Variants in RNF125 observed in about 807,000 individuals in gnomAD.
RNF125 encodes the protein ring finger protein 125, also known as E3 ubiquitin-protein ligase RNF125.
In RNF125, 21 loss-of-function variants were observed where a neutral mutation model predicts 26.0. The observed-to-expected ratio is 0.81, with a 90% CI of 0.57 to 1.16. The LOEUF (loss-of-function observed/expected upper bound fraction) is 1.16. RNF125 is among the 50% of genes most tolerant of loss of function. The probability of loss-of-function intolerance (pLI) is 0.00; values close to 1 mark genes in which losing one functional copy is unlikely to be tolerated. For synonymous variants in RNF125, 95 were observed against 109.2 expected (o/e 0.87, Z 0.81); for missense variants, 270 against 299.4 (o/e 0.90, Z 0.72).
At chr18:32,045,803 A>G (rs1036627851) in intron 4 of RNF125, 71 bp downstream of exon 4, 7 of 892,818 alleles carry the variant, frequency 7.8e-6, no homozygotes, top group Non-Finnish European at 1.3e-5. Context: ...CATTTAATAG[A>G]TTTATATTTA....
chr18:32,089,030 A>C, the RNF125 span, among the ~76,000 whole-genome samples: 1 of 152,180 alleles, frequency 6.6e-6, no homozygotes, highest in African/African-American at 2.4e-5. Context: ...TTGTGTTGAG[A>C]GCCAGAGAGC....
intron 1 of RNF125, among the ~76,000 whole-genome samples, chr18:32,026,738 A>G (rs1394329296): frequency 6.6e-6 from 1 of 152,090 alleles, no homozygotes; most frequent in Non-Finnish European, 1.5e-5. Flanking sequence ...TTACTATCAC[A>G]CTCTAAATAT....
intron 1 of RNF125, among the ~76,000 whole-genome samples, chr18:32,019,800 C>T (rs1309531768): frequency 6.6e-6 from 1 of 152,194 alleles, no homozygotes; most frequent in Non-Finnish European, 1.5e-5. Flanking sequence ...TACGCACGGT[C>T]TCTCCAAACC....
Position 32,072,035 on chromosome 18 carries a change from AC to A in RNF125, c.*3652del, listed in dbSNP as rs2039538692. Reference sequence around the variant, plus strand: ...TCTTTCTATTTAAACAAAAACAAAAACAAACAAACAAACAAACAAAAAGCTG... The same window carrying A: ...TCTTTCTATTTAAACAAAAACAAAAAAAACAAACAAACAAACAAAAAGCTG... On this transcript the variant is annotated 3_prime_UTR_variant, in exon 6 of 6. Transcript: ENST00000217740. 6.6e-6 allele frequency: 1 copy of A among 151,502 alleles called. No individual in the cohort carries two copies. The highest frequency in any genetic ancestry group is 6.6e-5 in the Admixed American group (1 of 15,128). The allele number at this position is 151,502 out of a possible 1,614,324, so 9.4% of individuals were successfully genotyped here. A position where few individuals can be genotyped will look rare whatever the true frequency, so the allele number is the denominator to read the frequency against.
chr18:32,037,027 T>C (rs1376675175), intron 1 of RNF125, 89 bp from the exon 2 acceptor site: 2 of 1,230,528 alleles, frequency 1.6e-6, no homozygotes, highest in Non-Finnish European at 2.3e-6. Flanking sequence ...CGAGGTGTCA[T>C]TAAATTACAG....
chr18:32,084,440 C>T, the RNF125 span, among the ~76,000 whole-genome samples: 2 of 152,166 alleles, frequency 1.3e-5, no homozygotes, highest in African/African-American at 4.8e-5. Flanking sequence ...ATCTATTCAT[C>T]ATTACTGGTC....
intron 4 of RNF125, among the ~76,000 whole-genome samples, chr18:32,062,782 T>C (rs1274193493): frequency 6.6e-6 from 1 of 152,100 alleles, no homozygotes; most frequent in African/African-American, 2.4e-5. Flanking sequence ...TTTTTTTCTC[T>C]CTGAAATTGG....
At chr18:32,041,895 G>A (rs1311784005) in intron 2 of RNF125, 1 of 284,042 alleles carries the variant, frequency 3.5e-6, no homozygotes, top group South Asian at 3.2e-5. Context: ...CTCCCAAAGT[G>A]CTGGGATTAC....
the RNF125 span, among the ~76,000 whole-genome samples, chr18:32,081,604 T>C: frequency 6.6e-6 from 1 of 152,316 alleles, no homozygotes; most frequent in African/African-American, 2.4e-5. Flanking sequence ...TTAACTTAAT[T>C]ACTTTTTAAA....
At chr18:32,034,233 C>T (rs2039128205) in intron 1 of RNF125, among the ~76,000 whole-genome samples, 1 of 152,272 alleles carries the variant, frequency 6.6e-6, no homozygotes, top group African/African-American at 2.4e-5. Context: ...TCTCCTTAGA[C>T]TTGGCTTTGG....
chr18:32,049,700 C>A (rs1263504539), intron 4 of RNF125, among the ~76,000 whole-genome samples: 1 of 151,956 alleles, frequency 6.6e-6, no homozygotes, highest in Non-Finnish European at 1.5e-5. Flanking sequence ...GTTCAGAAAT[C>A]CAAGGTTCTG....
the RNF125 span, among the ~76,000 whole-genome samples, chr18:32,080,485 G>A: frequency 2.6e-5 from 4 of 152,152 alleles, no homozygotes; most frequent in African/African-American, 4.8e-5. Context: ...TCCGCCTTGA[G>A]GCATGCTGGT....
intron 4 of RNF125, among the ~76,000 whole-genome samples, chr18:32,046,700 A>G (rs937793694): frequency 2.0e-5 from 3 of 152,070 alleles, no homozygotes; most frequent in Non-Finnish European, 2.9e-5. Context: ...TTCATGGTTA[A>G]TATTTATCCA....
intron 4 of RNF125, among the ~76,000 whole-genome samples, 180 bp from the exon 5 acceptor site, chr18:32,065,722 G>A (rs1367378293): frequency 2.6e-5 from 4 of 151,874 alleles, no homozygotes; most frequent in Non-Finnish European, 5.9e-5. Flanking sequence ...TAGTAGAGAC[G>A]GCGTTTCACC....
chr18:32,033,711 C>G (rs906084303), intron 1 of RNF125, among the ~76,000 whole-genome samples: 1 of 150,438 alleles, frequency 6.6e-6, no homozygotes, highest in African/African-American at 2.4e-5. Flanking sequence ...CCCAGCTACT[C>G]AAGAGGCTGA....
At position 32,045,987 on chromosome 18, in the gene RNF125, G is replaced by T. The variant is rs537367747; in HGVS notation, c.504+255G>T. Among the ~76,000 whole-genome samples, 228 of 152,040 alleles carry T rather than the reference G, an allele frequency of 1.5e-3. 1 individual carries two copies. The highest frequency in any genetic ancestry group is 5.3e-3 in the African/African-American group (221 of 41,478). On this transcript the variant is annotated intron_variant, in intron 4 of 5. Coordinates refer to ENST00000217740, the MANE Select transcript of RNF125 (RefSeq NM_017831.4). ...AATCATGGGCATAATCAACTAAAAT[G>T]ATCCAAAATGCACAGTTAAGATCTA...
At chr18:32,037,363 C>CATT in intron 2 of RNF125, 94 bp downstream of exon 2, 4 of 314,366 alleles carry the variant, frequency 1.3e-5, no homozygotes, top group Non-Finnish European at 2.1e-5. Flanking sequence ...ATGGTACGCA[C>CATT]CTTTTTTTTT....
downstream of RNF125, among the ~76,000 whole-genome samples, chr18:32,074,587 G>A (rs936722351): frequency 7.9e-5 from 12 of 152,018 alleles, no homozygotes; most frequent in African/African-American, 2.9e-4. Flanking sequence ...CTGTTACCCA[G>A]GCTGGAGTGC....
At chr18:32,061,926 T>C (rs2039438766) in intron 4 of RNF125, among the ~76,000 whole-genome samples, 1 of 152,208 alleles carries the variant, frequency 6.6e-6, no homozygotes, top group South Asian at 2.1e-4. Flanking sequence ...GAGGCTGAAA[T>C]GAAATCGGAA....
Sources: allele counts gnomAD v4.1 joint callset (sites outside exome capture counted in the v4.1 genomes callset), GRCh38; gene constraint gnomAD v4.1.1; transcripts MANE v1.5; gene names NCBI Gene and HGNC (gene_info 2026-07-23, HGNC 2026-07-21).